MESP1: variants seen among roughly 807,000 people sequenced by gnomAD.
The protein encoded by MESP1 is mesoderm posterior bHLH transcription factor 1.
MESP1 carries 22 observed loss-of-function variants against 15.2 expected under a neutral mutation model. The observed-to-expected ratio is 1.45, with a 90% CI of 1.04 to 2.07. The LOEUF is 2.07. Ranked by LOEUF, MESP1 falls within the 30% of genes most tolerant of loss-of-function variation. The pLI, the probability that MESP1 is intolerant of heterozygous loss-of-function variation, is 0.00. For synonymous variants in MESP1, 216 were observed against 192.6 expected (o/e 1.12, Z -1.01); for missense variants, 484 against 411.9 (o/e 1.17, Z -1.51).
At chr15:89,742,680 C>T in the MESP1 span, among the ~76,000 whole-genome samples, 4 of 152,266 alleles carry the variant, frequency 2.6e-5, no homozygotes, top group Admixed American at 6.5e-5. Flanking sequence ...ATTACAGGCA[C>T]GTGCCACCAC....
Position 89,750,934 on chromosome 15 carries a change from G to C in MESP1, c.298C>G (p.Arg100Gly), listed in dbSNP as rs375162512. 6 of 1,459,442 alleles carry C rather than the reference G, an allele frequency of 4.1e-6. No individual in the cohort carries two copies. The highest frequency in any genetic ancestry group is 2.9e-5 in the East Asian group (1 of 34,104). The allele number at this position is 1,459,442 out of a possible 1,614,324, so 90.4% of individuals were successfully genotyped here. A position where few individuals can be genotyped will look rare whatever the true frequency, so the allele number is the denominator to read the frequency against. Residue 100 changes from arginine to glycine, a missense_variant, in exon 1 of 2, where the codon CGC becomes GGC. Arg to Gly is a moderately radical substitution (Grantham distance 125). Transcript: ENST00000300057. ...REKLRMRTLA[R>G]ALHELRRFLP... The stretch of plus-strand genomic sequence containing the variant: ...AAGCGGCGCAGCTCGTGCAGGGCGC[G>C]GGCCAGCGTGCGCATGCGCAGTTTC...
At chr15:89,745,352 G>A (rs76757727), downstream of MESP1, among the ~76,000 whole-genome samples, 3,213 of 152,280 alleles carry the variant, frequency 0.021, 123 homozygotes, top group African/African-American at 0.074. This position sits in a 1 kb window ranked among gnomAD's most constrained non-coding sequence, Gnocchi z 4.8. Flanking sequence ...CCAGCTGGTA[G>A]GCTGCGCTGC....
rs535069765 is a variant in MESP1, at chr15:89,750,539, C to A, written c.693G>T (p.Gly231=). ...ALFAEAACPE[G]QAMEPSPPSP... ...ACGGTGGGCTTGGCTCCATCGCCTG[C>A]CCTTCAGGGCACGCCGCCTCGGCGA... Residue 231 remains glycine, a synonymous_variant, in exon 1 of 2, where the codon GGG becomes GGT. Transcript: ENST00000300057. 2.8e-5 allele frequency: 42 copies of A among 1,493,082 alleles called. No homozygotes were observed. The Admixed American group carries it at 5.2e-4, about 19-fold the overall frequency. 92.5% of individuals were successfully genotyped at this position (1,493,082 alleles called of 1,614,324 possible). A position where few individuals can be genotyped will look rare whatever the true frequency, so the allele number is the denominator to read the frequency against.
the MESP1 span, chr15:89,743,330 A>T: frequency 6.2e-7 from 1 of 1,614,188 alleles, no homozygotes; most frequent in Non-Finnish European, 8.5e-7. Flanking sequence ...AAGGAGGAGG[A>T]GCACTGGGCC....
chr15:89,749,942 A>G lies in MESP1; in HGVS notation c.*202T>C. ...AGGCAGAGCCTCCTGCTTGCCTCAA[A>G]GTGTCTAGCCCTATGGGTCCCTCCA... is the stretch of plus-strand genomic sequence containing the variant. On this transcript the variant is annotated 3_prime_UTR_variant, in exon 2 of 2. Coordinates refer to ENST00000300057, the MANE Select transcript of MESP1 (RefSeq NM_018670.4). 1.7e-6 allele frequency: 1 copy of G among 582,942 alleles called. No homozygotes were observed. The highest frequency in any genetic ancestry group is 2.8e-5 in the East Asian group (1 of 35,850). The allele number at this position is 582,942 out of a possible 1,614,324, so 36.1% of individuals were successfully genotyped here.
At chr15:89,735,410 A>C in the MESP1 span, 45 of 1,423,142 alleles carry the variant, frequency 3.2e-5, no homozygotes, top group Non-Finnish European at 3.7e-5. Context: ...GAATTTCTCC[A>C]GGATATATGC....
chr15:89,737,620 C>A, the MESP1 span: 19 of 1,614,178 alleles, frequency 1.2e-5, no homozygotes, highest in Admixed American at 3.3e-5. Context: ...TGGATGTGGC[C>A]AAGCGTGAAA....
At chr15:89,743,616 TAAAC>T in the MESP1 span, 1 of 567,356 alleles carries the variant, frequency 1.8e-6, no homozygotes, top group Non-Finnish European at 3.1e-6. Context: ...GTCACCCAAA[TAAAC>T]AGTGATATTG....
rs1359786350 is a variant in MESP1, at chr15:89,751,051, G to T, written c.181C>A (p.Leu61Ile). Reference sequence around the variant, plus strand: ...ACGGAGGGGGCGCGGGGGTCCCGGAGGGTGCCTGGCCGCGCGGGGCTCGCC... The same window carrying T: ...ACGGAGGGGGCGCGGGGGTCCCGGATGGTGCCTGGCCGCGCGGGGCTCGCC... ...PVASPARPGT[L>I]RDPRAPSVGR... is the part of the protein sequence containing the mutation. Residue 61 changes from leucine to isoleucine, a missense_variant, in exon 1 of 2, where the codon CTC becomes ATC. By Grantham distance (5) the Leu-to-Ile change is conservative. Transcript: ENST00000300057. The T allele has an allele frequency of 1.5e-6, 2 of 1,334,898 alleles. No individual in the cohort carries two copies. The highest frequency in any genetic ancestry group is 2.1e-5 in the South Asian group (1 of 48,420). The allele number at this position is 1,334,898 out of a possible 1,614,324, so 82.7% of individuals were successfully genotyped here.
At chr15:89,742,012 A>T in the MESP1 span, among the ~76,000 whole-genome samples, 2 of 152,188 alleles carry the variant, frequency 1.3e-5, no homozygotes, top group Non-Finnish European at 2.9e-5. Flanking sequence ...TGGCCTCCCA[A>T]AGTGCTGGGA....
chr15:89,735,212 T>A, the MESP1 span, among the ~76,000 whole-genome samples: 1 of 152,186 alleles, frequency 6.6e-6, no homozygotes, highest in Non-Finnish European at 1.5e-5. Flanking sequence ...GCATCTTGCT[T>A]TGCAACATTG....
At chr15:89,750,250 G>A (rs920693580) in intron 1 of MESP1, 23 bp from the exon 2 acceptor site, 10 of 1,612,378 alleles carry the variant, frequency 6.2e-6, no homozygotes, top group Non-Finnish European at 8.5e-6. Context: ...ACGGAACAGC[G>A]CAGCCCTCAA....
chr15:89,748,214 C>T (rs774719933), downstream of MESP1, among the ~76,000 whole-genome samples: 5 of 151,484 alleles, frequency 3.3e-5, no homozygotes, highest in African/African-American at 4.9e-5. Context: ...TAAGCTGTGT[C>T]GGCTCCAGAA....
chr15:89,746,272 ATGCAGCATCCACACCTC>A, downstream of MESP1, among the ~76,000 whole-genome samples: 1 of 144,220 alleles, frequency 6.9e-6, no homozygotes, highest in African/African-American at 2.6e-5. Flanking sequence ...CCACACGTCC[ATGCAGCATCCACACCTC>A]CACACATTCA....
the MESP1 span, chr15:89,735,452 T>C: frequency 4.7e-3 from 7,491 of 1,603,194 alleles, 338 homozygotes; most frequent in African/African-American, 0.088. Context: ...TTTAAACTCT[T>C]AAAGTAGGAG....
downstream of MESP1, among the ~76,000 whole-genome samples, chr15:89,747,216 C>T (rs112886104): frequency 0.016 from 2,485 of 152,222 alleles, 82 homozygotes; most frequent in African/African-American, 0.057. Context: ...TTGGCCCGTC[C>T]CCAGGGGCTG....
chr15:89,738,626 C>CAAAAAAA, the MESP1 span, among the ~76,000 whole-genome samples: 1 of 81,460 alleles, frequency 1.2e-5, no homozygotes, highest in African/African-American at 4.6e-5. Flanking sequence ...GACTCTGTCC[C>CAAAAAAA]AAAAAAAAAA....
chr15:89,748,017 T>C (rs151152794), downstream of MESP1, among the ~76,000 whole-genome samples: 205 of 152,292 alleles, frequency 1.3e-3, no homozygotes, highest in African/African-American at 4.4e-3. Flanking sequence ...TAGCAGAACC[T>C]TGTTAATGAA....
At chr15:89,743,849 T>C in the MESP1 span, among the ~76,000 whole-genome samples, 1 of 152,092 alleles carries the variant, frequency 6.6e-6, no homozygotes, top group Non-Finnish European at 1.5e-5. Flanking sequence ...CACACCTTTA[T>C]AGAATAGCTT....
Sources: allele counts gnomAD v4.1 joint callset (sites outside exome capture counted in the v4.1 genomes callset), GRCh38; gene constraint gnomAD v4.1.1; non-coding constraint Gnocchi (gnomAD v3.1); transcripts MANE v1.5; gene names NCBI Gene and HGNC (gene_info 2026-07-23, HGNC 2026-07-21).